The following CNTLN variants were observed in gnomAD, a reference collection of about 807,000 sequenced individuals.
The protein encoded by CNTLN is centlein, centrosomal protein.
Under a neutral mutation model 180.0 loss-of-function variants are expected in CNTLN, and 212 were observed. That is an observed-to-expected ratio of 1.18 (90% CI 1.05 to 1.32). The LOEUF (loss-of-function observed/expected upper bound fraction) is 1.32. Ranked by LOEUF, CNTLN falls within the 40% of genes most tolerant of loss-of-function variation. The pLI is 0.00. For synonymous variants in CNTLN, 722 were observed against 563.1 expected, an observed-to-expected ratio of 1.28 and a Z score of -3.99; for missense variants, 2,095 against 1,610.9, an observed-to-expected ratio of 1.30 and a Z score of -5.14.
chr9:17,180,113 A>G (rs1821026968), intron 2 of CNTLN, among the ~76,000 whole-genome samples: 1 of 150,502 alleles, frequency 6.6e-6, no homozygotes, highest in South Asian at 2.1e-4. Flanking sequence ...TTTAAAATCT[A>G]CTCTGTTGAG....
chr9:17,389,737 CA>C lies in CNTLN; in HGVS notation c.2079+1485del, dbSNP rs1564061114. Among the ~76,000 whole-genome samples, 63 of 151,860 alleles carry C rather than the reference CA, an allele frequency of 4.1e-4. No homozygotes were observed. In the East Asian group the frequency reaches 0.011, roughly 27 times the overall value. ...ATATTTGTATATAGTAGAAATGAAA[CA>C]TATATGCAGATTATTTTGAAAATAA... On this transcript the variant is annotated intron_variant, in intron 14 of 25. Transcript: ENST00000380647.
intron 2 of CNTLN, among the ~76,000 whole-genome samples, chr9:17,168,791 A>C (rs950891951): frequency 1.3e-5 from 2 of 152,052 alleles, no homozygotes; most frequent in African/African-American, 4.8e-5. Flanking sequence ...GAAACCATAG[A>C]TGGCTCTATT....
intron 18 of CNTLN, among the ~76,000 whole-genome samples, chr9:17,426,396 G>A (rs1383566682): frequency 6.6e-6 from 1 of 152,100 alleles, no homozygotes; most frequent in African/African-American, 2.4e-5. Context: ...ATTTTTAAAA[G>A]TGTAAAAAGT....
chr9:17,201,610 A>C (rs536426716), intron 2 of CNTLN, among the ~76,000 whole-genome samples: 1 of 152,044 alleles, frequency 6.6e-6, no homozygotes, highest in Non-Finnish European at 1.5e-5. Context: ...TAGATTTTCT[A>C]GTTTTTTTGC....
intron 2 of CNTLN, among the ~76,000 whole-genome samples, chr9:17,219,247 T>C (rs1823970096): frequency 6.6e-6 from 1 of 151,656 alleles, no homozygotes; most frequent in Non-Finnish European, 1.5e-5. Flanking sequence ...TTTTTTTCTT[T>C]TTAAGGAACC....
intron 6 of CNTLN, among the ~76,000 whole-genome samples, chr9:17,274,192 A>G (rs1041926680): frequency 4.6e-5 from 7 of 152,108 alleles, no homozygotes; most frequent in Non-Finnish European, 7.4e-5. Flanking sequence ...ACAGTGAACA[A>G]TAGTAACTGA....
At chr9:17,284,183 G>A (rs759633640) in intron 6 of CNTLN, among the ~76,000 whole-genome samples, 2 of 152,042 alleles carry the variant, frequency 1.3e-5, no homozygotes, top group South Asian at 2.1e-4. Context: ...AGTATGCCTC[G>A]CTAATTTTTG....
At chr9:17,339,837 G>T (rs975250754) in intron 10 of CNTLN, among the ~76,000 whole-genome samples, 1 of 152,030 alleles carries the variant, frequency 6.6e-6, no homozygotes, top group Non-Finnish European at 1.5e-5. Flanking sequence ...AATGAAAATT[G>T]ATCTCATGTG....
At position 17,143,321 on chromosome 9, in the gene CNTLN, C is replaced by A. The variant is rs545238448; in HGVS notation, c.394C>A (p.Arg132Ser). ...DKEFVWSLWKRLQVTNPDLTQ... is the reference protein window; with the variant it reads ...DKEFVWSLWKSLQVTNPDLTQ... The stretch of plus-strand genomic sequence containing the variant: ...AGAATTTGTATGGTCTTTGTGGAAA[C>A]GTCTCCAGGTTACAAACCCAGATCT... Residue 132 changes from arginine to serine, a missense_variant, in exon 2 of 26, where the codon CGT (arginine) becomes AGT (serine). Physicochemically the swap from Arg to Ser is moderately radical, Grantham distance 110. Coordinates refer to ENST00000380647, the MANE Select transcript of CNTLN (RefSeq NM_017738.4). The A allele has an allele frequency of 3.1e-6, 5 of 1,613,438 alleles. No homozygotes were observed. In the South Asian group the frequency reaches 5.5e-5, roughly 18 times the overall value.
intron 13 of CNTLN, among the ~76,000 whole-genome samples, chr9:17,368,489 C>A (rs897043728): frequency 3.3e-5 from 5 of 152,152 alleles, no homozygotes; most frequent in Non-Finnish European, 7.3e-5. Flanking sequence ...AGCCCTAGGG[C>A]CTTGAGCAAA....
At chr9:17,326,917 C>A (rs1820333026) in intron 8 of CNTLN, among the ~76,000 whole-genome samples, 1 of 151,988 alleles carries the variant, frequency 6.6e-6, no homozygotes, top group South Asian at 2.1e-4. Context: ...TGTAATGTAT[C>A]CTAGATGGGA....
chr9:17,514,203 G>A, the CNTLN span, among the ~76,000 whole-genome samples: 2 of 151,962 alleles, frequency 1.3e-5, no homozygotes, highest in Admixed American at 1.3e-4. Context: ...CCAGCTACTG[G>A]GGAGGCTAAG....
chr9:17,441,593 CAAA>C (rs199758646), intron 18 of CNTLN, among the ~76,000 whole-genome samples: 1 of 90,822 alleles, frequency 1.1e-5, no homozygotes, highest in African/African-American at 3.7e-5. Context: ...CGTGTCACTG[CAAA>C]AAAAAAAAAA....
intron 2 of CNTLN, among the ~76,000 whole-genome samples, chr9:17,199,426 T>C (rs954813089): frequency 1.3e-5 from 2 of 152,118 alleles, no homozygotes; most frequent in Non-Finnish European, 2.9e-5. Context: ...TTAGCCAGGA[T>C]GGTCTCAATC....
At chr9:17,378,778 G>T (rs10963072) in intron 13 of CNTLN, among the ~76,000 whole-genome samples, 2 of 152,044 alleles carry the variant, frequency 1.3e-5, no homozygotes, top group Non-Finnish European at 2.9e-5. Flanking sequence ...TCAAATTGTT[G>T]TCTGGCTTCA....
intron 12 of CNTLN, among the ~76,000 whole-genome samples, chr9:17,345,474 C>T (rs1170700368): frequency 6.7e-6 from 1 of 149,168 alleles, no homozygotes; most frequent in Non-Finnish European, 1.5e-5. Flanking sequence ...GTTACTTAAG[C>T]TTTTTTTTAG....
chr9:17,493,049 A>T (rs187426386), intron 25 of CNTLN, among the ~76,000 whole-genome samples: 2 of 152,122 alleles, frequency 1.3e-5, no homozygotes, highest in Non-Finnish European at 2.9e-5. Context: ...AGAAAGTAGA[A>T]TGGTGGTTGT....
intron 6 of CNTLN, among the ~76,000 whole-genome samples, chr9:17,290,778 G>C (rs1327135133): frequency 2.0e-5 from 3 of 151,660 alleles, no homozygotes; most frequent in Non-Finnish European, 4.4e-5. Context: ...TTTTCCAGGT[G>C]CGTCTGTCAC....
At chr9:17,392,003 T>G (rs532316945) in intron 14 of CNTLN, among the ~76,000 whole-genome samples, 1 of 152,268 alleles carries the variant, frequency 6.6e-6, no homozygotes, top group South Asian at 2.1e-4. Flanking sequence ...CTGTTTCCCC[T>G]AAAACATACT....
Sources: gnomAD v4.1 joint callset for allele counts (sites outside exome capture counted in the v4.1 genomes callset) on GRCh38, gnomAD v4.1.1 for gene constraint, MANE v1.5 for transcripts, NCBI Gene and HGNC (gene_info 2026-07-23, HGNC 2026-07-21) for gene names.